PLPP2: variants seen among roughly 807,000 people sequenced by gnomAD.
The protein encoded by PLPP2 is phospholipid phosphatase 2.
PLPP2 carries 29 observed loss-of-function variants against 35.2 expected under a neutral mutation model. The ratio of observed to expected loss-of-function variants is 0.82; its 90% CI spans 0.61 to 1.12. PLPP2 has a LOEUF of 1.12. PLPP2 is among the 50% of genes most tolerant of loss of function. The pLI is 0.00. For synonymous variants in PLPP2, 162 were observed against 167.0 expected, an observed-to-expected ratio of 0.97 and a Z score of 0.23; for missense variants, 353 against 375.2, an observed-to-expected ratio of 0.94 and a Z score of 0.49.
At chr19:290,890 G>T in intron 1 of PLPP2, 1 of 1,183,182 alleles carries the variant, frequency 8.5e-7, no homozygotes, top group Non-Finnish European at 1.1e-6. Context: ...AGGGGCGGAG[G>T]CGCGGACGTC....
At chr19:286,975 T>C (rs1034297176) in intron 3 of PLPP2, 4 of 154,514 alleles carry the variant, frequency 2.6e-5, no homozygotes, top group African/African-American at 9.7e-5. Flanking sequence ...AAATCAGAGA[T>C]TGGACAATAC....
Position 288,108 on chromosome 19 carries a change from C to A in PLPP2, c.116G>T (p.Gly39Val). ...GTAGGGGTACCGGATGGAGTCATCCCCGCAGTAAAATCCTCGCTTGTACGG... is the reference window on the plus strand; with the variant it reads ...GTAGGGGTACCGGATGGAGTCATCCACGCAGTAAAATCCTCGCTTGTACGG... ...NAPYKRGFYC[G>V]DDSIRYPYRP... Residue 39 changes from glycine to valine, a missense_variant, in exon 2 of 6, where the codon GGG (glycine) becomes GTG (valine). By Grantham distance (109) the Gly-to-Val change is moderately radical. Transcript: ENST00000434325. 6.2e-7 allele frequency: 1 copy of A among 1,613,090 alleles called. No individual in the cohort carries two copies. The highest frequency in any genetic ancestry group is 8.5e-7 in the Non-Finnish European group (1 of 1,179,534).
At chr19:284,607 T>G (rs907984653) in intron 3 of PLPP2, 1 of 151,956 alleles carries the variant, frequency 6.6e-6, no homozygotes, top group Non-Finnish European at 1.5e-5. Context: ...CCATTTAAAA[T>G]ATGTTCAAAG....
At chr19:289,244 T>C (rs12974219) in intron 1 of PLPP2, among the ~76,000 whole-genome samples, 94,997 of 152,078 alleles carry the variant, frequency 0.62, 30,130 homozygotes, top group Middle Eastern at 0.66. Context: ...GCAGGGCAAG[T>C]ACAAAAGGGT....
At chr19:291,116 A>T (rs1419068164) in intron 1 of PLPP2, 169 bp downstream of exon 1, 8 of 1,355,228 alleles carry the variant, frequency 5.9e-6, no homozygotes, top group African/African-American at 3.1e-5. Context: ...GGGCGCGCGC[A>T]GTGCGGGGCG....
In PLPP2 at chr19:287,548, G is replaced by A. The variant is rs1970291653; in HGVS notation, c.408C>T (p.Ser136=). Residue 136 remains serine, a synonymous_variant, in exon 3 of 6, where the codon AGC becomes AGT. Coordinates refer to ENST00000434325, the MANE Select transcript of PLPP2 (RefSeq NM_003712.4). The surrounding 1 kb of genome is among the most constrained non-coding windows in gnomAD (Gnocchi z 4.3). ...NFLAVCDPDW[S]RVNCSVYVQL... is the part of the protein sequence containing the mutation. ...GCACATAGACCGAGCAGTTGACCCG[G>A]CTCCAGTCGGGGTCGCAGACGGCTA... 2 of 1,613,750 alleles carry A rather than the reference G, an allele frequency of 1.2e-6. No homozygotes were observed. Among genetic ancestry groups the A allele is most frequent in the Non-Finnish European group, 1.7e-6 (2 of 1,180,040 alleles).
At chr19:289,754 G>A (rs867113678) in intron 1 of PLPP2, among the ~76,000 whole-genome samples, 9 of 152,082 alleles carry the variant, frequency 5.9e-5, no homozygotes, top group South Asian at 2.1e-4. Context: ...GCAGGACGGC[G>A]GAGAGGGCGG....
intron 1 of PLPP2, 163 bp from the exon 2 acceptor site, chr19:288,334 T>A: frequency 1.7e-6 from 1 of 600,388 alleles, no homozygotes; most frequent in Non-Finnish European, 2.7e-6. Context: ...TCGCATCCCC[T>A]CAGACAAACA....
Position 281,126 on chromosome 19 carries a change from C to T in PLPP2, c.*262G>A, listed in dbSNP as rs138930414. ...CAGCAACTATCTGATCTCTCGGTCC[C>T]TTCCTTAACCCCATAAAAAGAAGGG... On this transcript the variant is annotated 3_prime_UTR_variant, in exon 6 of 6. Transcript: ENST00000434325. The T allele has an allele frequency of 5.4e-4, 196 of 362,098 alleles. No individual in the cohort carries two copies. In the East Asian group the frequency reaches 7.9e-3, roughly 15 times the overall value. 22.4% of individuals were successfully genotyped at this position (362,098 alleles called of 1,614,324 possible).
At chr19:289,611 G>A (rs1354710935) in intron 1 of PLPP2, among the ~76,000 whole-genome samples, 3 of 152,158 alleles carry the variant, frequency 2.0e-5, no homozygotes, top group Non-Finnish European at 4.4e-5. Flanking sequence ...GCTGAGGCAG[G>A]AGAATCGTTT....
Position 287,380 on chromosome 19 carries a change from G to C in PLPP2, c.482+94C>G. On this transcript the variant is annotated intron_variant, in intron 3 of 5. Coordinates refer to ENST00000434325, the MANE Select transcript of PLPP2 (RefSeq NM_003712.4). The surrounding 1 kb of genome is among the most constrained non-coding windows in gnomAD (Gnocchi z 4.3). ...CCGGGCGTGGTGGCGCACGCCTGTA[G>C]TCTCAGCTGCCTGCTGGCTCTTCAT... is the stretch of plus-strand genomic sequence containing the variant. 1 of 1,499,662 alleles carries C rather than the reference G, an allele frequency of 6.7e-7. No individual in the cohort carries two copies. The highest frequency in any genetic ancestry group is 2.5e-4 in the Middle Eastern group (1 of 4,046). The allele number at this position is 1,499,662 out of a possible 1,614,324, so 92.9% of individuals were successfully genotyped here.
chr19:282,376 C>G, intron 4 of PLPP2, 66 bp from the exon 5 acceptor site: 1 of 1,386,246 alleles, frequency 7.2e-7, no homozygotes. Context: ...CCTGCACAGA[C>G]GTGTTAGCCT....
chr19:288,295 T>C, intron 1 of PLPP2, 124 bp from the exon 2 acceptor site: 1 of 979,782 alleles, frequency 1.0e-6, no homozygotes. Context: ...AAGGAAGAGC[T>C]TTTTTCACAG....
chr19:286,966 A>T (rs1346246046), intron 3 of PLPP2: 2 of 154,708 alleles, frequency 1.3e-5, no homozygotes, highest in Non-Finnish European at 2.9e-5. Flanking sequence ...TCTCAAAAAA[A>T]ATCAGAGATT....
Position 288,151 on chromosome 19 carries a change from G to A in PLPP2, c.73C>T (p.Leu25=). The change falls in exon 2 of 6, where the codon CTG becomes TTG. Residue 25 remains leucine (L), a synonymous_variant. Transcript: ENST00000434325. Reference sequence around the variant, plus strand: ...TTGTACGGGGCGTTCACCAGCGTCAGGATAGCGAAGGGCAGGGAGGCTGGT... The same window carrying A: ...TTGTACGGGGCGTTCACCAGCGTCAAGATAGCGAAGGGCAGGGAGGCTGGT... The part of the protein sequence containing the change: ...LLVASLPFAI[L]TLVNAPYKRG... The A allele has an allele frequency of 6.3e-7, 1 of 1,594,080 alleles. No individual in the cohort carries two copies. Among genetic ancestry groups the A allele is most frequent in the South Asian group, 1.1e-5 (1 of 89,304 alleles).
At chr19:283,675 T>G (rs1315604863) in intron 3 of PLPP2, 1 of 152,262 alleles carries the variant, frequency 6.6e-6, no homozygotes. Flanking sequence ...AGGAGAGGCC[T>G]GCGAGGGCCG....
intron 3 of PLPP2, 50 bp from the exon 4 acceptor site, chr19:282,859 C>G (rs777150847): frequency 2.9e-5 from 45 of 1,556,068 alleles, no homozygotes; most frequent in Non-Finnish European, 4.0e-5. Flanking sequence ...TCCAACCTCC[C>G]CCTTGTCCCC....
intron 1 of PLPP2, among the ~76,000 whole-genome samples, chr19:289,994 C>A (rs1160187402): frequency 3.9e-5 from 6 of 152,152 alleles, no homozygotes; most frequent in Admixed American, 3.9e-4. Context: ...ACGCAGGCAC[C>A]CCCATAACGA....
intron 3 of PLPP2, 65 bp from the exon 4 acceptor site, chr19:282,874 C>G: frequency 3.3e-6 from 5 of 1,493,060 alleles, no homozygotes; most frequent in Non-Finnish European, 4.7e-6. Context: ...GTCCCCGCCC[C>G]GCCCACAGAA....
Sources: allele counts gnomAD v4.1 joint callset (sites outside exome capture counted in the v4.1 genomes callset), GRCh38; gene constraint gnomAD v4.1.1; non-coding constraint Gnocchi (gnomAD v3.1); transcripts MANE v1.5; gene names NCBI Gene and HGNC (gene_info 2026-07-23, HGNC 2026-07-21).